Variants in HSPG2 observed in about 807,000 individuals in gnomAD.
HSPG2 encodes basement membrane-specific heparan sulfate proteoglycan core protein.
Under a neutral mutation model 526.6 loss-of-function variants are expected in HSPG2, and 278 were observed. The ratio of observed to expected loss-of-function variants is 0.53; its 90% confidence interval spans 0.48 to 0.58. The LOEUF is 0.58. Among genes scored for constraint, HSPG2 ranks in the 20% least tolerant of loss-of-function variants. The probability of loss-of-function intolerance (pLI) is 0.00; values close to 1 mark genes in which losing one functional copy is unlikely to be tolerated. For synonymous variants in HSPG2, 2,465 were observed against 2,555.4 expected, an observed-to-expected ratio of 0.96 and a Z score of 1.07; for missense variants, 5,354 against 6,099.5, an observed-to-expected ratio of 0.88 and a Z score of 4.07.
In HSPG2 at chr1:21,884,661, G is replaced by A. The variant is rs748189703; in HGVS notation, c.1521C>T (p.Asp507=). Reference sequence around the variant, plus strand: ...CGCTGTGCTCCAGGTAGAAGTGGCCGTCAGGGCAGGGGCCTGCTGGGCGGC... The same window carrying A: ...CGCTGTGCTCCAGGTAGAAGTGGCCATCAGGGCAGGGGCCTGCTGGGCGGC... ...ELVPQRGPCP[D]GHFYLEHSAA... is the part of the protein sequence containing the mutation. The change falls in exon 13 of 97, where the codon GAC becomes GAT. Residue 507 remains aspartate (D), a synonymous_variant. Transcript: ENST00000374695. 5.0e-6 allele frequency: 8 copies of A among 1,611,898 alleles called. No individual in the cohort carries two copies. The highest frequency in any genetic ancestry group is 2.2e-5 in the East Asian group (1 of 44,876).
rs1185304484 is a variant in HSPG2 at position 21,887,789 on chromosome 1, C to A, written c.704-115G>T. 1.6e-5 allele frequency: 25 copies of A among 1,559,306 alleles called. No individual in the cohort carries two copies. Among genetic ancestry groups the A allele is most frequent in the Middle Eastern group, 1.7e-4 (1 of 5,920 alleles). On this transcript the variant is annotated intron_variant, in intron 7 of 96. Transcript: ENST00000374695. The surrounding 1 kb of genome is among the most constrained non-coding windows in gnomAD (Gnocchi z 5.0). The stretch of plus-strand genomic sequence containing the variant: ...TCCCCAACACCACTCCCTGCCACCC[C>A]CTGCCTGGCTCTGTCATCACCCTTC...
chr1:21,873,156 C>A, intron 30 of HSPG2, 65 bp from the exon 31 acceptor site: 2 of 1,365,486 alleles, frequency 1.5e-6, no homozygotes, highest in Non-Finnish European at 2.1e-6. Flanking sequence ...CTTCCCTCCA[C>A]TCTGCTCACC....
At chr1:21,882,919 C>A (rs1282522539) in intron 13 of HSPG2, among the ~76,000 whole-genome samples, 3 of 152,152 alleles carry the variant, frequency 2.0e-5, no homozygotes, top group Non-Finnish European at 2.9e-5. Context: ...GCAGAATGAC[C>A]GAGCACAGCC....
At position 21,859,471 on chromosome 1, in the gene HSPG2, C is replaced by T; in HGVS notation, c.5293+95G>A. On this transcript the variant is annotated intron_variant, in intron 42 of 96. Coordinates refer to ENST00000374695, the MANE Select transcript of HSPG2 (RefSeq NM_005529.7). The surrounding 1 kb of genome is among the most constrained non-coding windows in gnomAD (Gnocchi z 5.3). ...GACCTTGTTCGGGCAACCACTGCCCCCTCCCAGCAGGTGAATGCACCATCT... is the reference window on the plus strand; with the variant it reads ...GACCTTGTTCGGGCAACCACTGCCCTCTCCCAGCAGGTGAATGCACCATCT... 2.1e-6 allele frequency: 2 copies of T among 958,792 alleles called. No individual in the cohort carries two copies. The highest frequency in any genetic ancestry group is 1.6e-5 in the African/African-American group (1 of 61,890). The allele number at this position is 958,792 out of a possible 1,614,324, so 59.4% of individuals were successfully genotyped here. A position where few individuals can be genotyped will look rare whatever the true frequency, so the allele number is the denominator to read the frequency against.
intron 33 of HSPG2, chr1:21,870,264 C>T (rs1335470800): frequency 3.0e-6 from 3 of 986,166 alleles, no homozygotes; most frequent in African/African-American, 1.7e-5. Context: ...CTGGGATCCT[C>T]CCAGCTGTCA....
rs141563188 is a variant in HSPG2, at chr1:21,846,191, C to T, written c.8381G>A (p.Arg2794Gln). 1.7e-4 allele frequency: 282 copies of T among 1,613,108 alleles called. 1 individual carries two copies. The African/African-American group carries it at 2.4e-3, about 14-fold the overall frequency. ...CAGGGGGCCAGAGCTGCCCATCACC[C>T]GGCACACGTATTCACCCGAGTCGGC... Reference protein sequence around the residue: ...SPADSGEYVCRVMGSSGPLEA... With the variant: ...SPADSGEYVCQVMGSSGPLEA... Residue 2794 changes from arginine (R) to glutamine (Q), a missense_variant, in exon 64 of 97, where the codon CGG becomes CAG. Coordinates refer to ENST00000374695, the MANE Select transcript of HSPG2 (RefSeq NM_005529.7).
intron 52 of HSPG2, among the ~76,000 whole-genome samples, chr1:21,852,450 G>C (rs1557718223): frequency 6.6e-6 from 1 of 152,264 alleles, no homozygotes; most frequent in Admixed American, 6.5e-5. Flanking sequence ...AAGTGAGAGA[G>C]ATGAGGGCAG....
intron 21 of HSPG2, 25 bp from the exon 22 acceptor site, chr1:21,876,677 A>G (rs1208211584): frequency 2.5e-6 from 4 of 1,613,970 alleles, no homozygotes; most frequent in Non-Finnish European, 2.5e-6. Flanking sequence ...TTGGAGCTGA[A>G]GGACAGCCCA....
chr1:21,864,344 C>A lies in HSPG2; in HGVS notation c.4627-131G>T. The A allele has an allele frequency of 1.3e-6, 1 of 753,170 alleles. No homozygotes were observed. Among genetic ancestry groups the A allele is most frequent in the East Asian group, 2.7e-5 (1 of 37,084 alleles). 46.7% of individuals were successfully genotyped at this position (753,170 alleles called of 1,614,324 possible). A position where few individuals can be genotyped will look rare whatever the true frequency, so the allele number is the denominator to read the frequency against. On this transcript the variant is annotated intron_variant, in intron 36 of 96. Transcript: ENST00000374695. The surrounding 1 kb of genome is among the most constrained non-coding windows in gnomAD (Gnocchi z 4.8). ...CATCACAGGCCGGCGCCCCTCCTTCCCCACTTCTGCTCAGTCTGTCCTCCC... is the reference window on the plus strand; with the variant it reads ...CATCACAGGCCGGCGCCCCTCCTTCACCACTTCTGCTCAGTCTGTCCTCCC...
rs1300358377 is a variant in HSPG2, at chr1:21,847,477, G to C, written c.8041C>G (p.Leu2681Val). 5 of 1,613,948 alleles carry C rather than the reference G, an allele frequency of 3.1e-6. No individual in the cohort carries two copies. Among genetic ancestry groups the C allele is most frequent in the Middle Eastern group, 3.3e-4 (2 of 6,062 alleles). ...GCCACAGACATTTGGTGCAACCGCA[G>C]GTGGGAGCCATGGGTCTGGACGTGC... ...PSRHQTHGSH[L>V]RLHQMSVADS... Residue 2681 changes from leucine (L) to valine (V), a missense_variant, in exon 62 of 97, where the codon CTG becomes GTG. Leu to Val is a conservative substitution (Grantham distance 32, BLOSUM62 1). Coordinates refer to ENST00000374695, the MANE Select transcript of HSPG2 (RefSeq NM_005529.7). The surrounding 1 kb of genome is among the most constrained non-coding windows in gnomAD (Gnocchi z 4.1).
chr1:21,885,130 C>T lies in HSPG2; in HGVS notation c.1238G>A (p.Arg413Gln), dbSNP rs140621959. 4,152 of 1,610,952 alleles carry T rather than the reference C, an allele frequency of 2.6e-3. 19 individuals carry two copies. Among genetic ancestry groups the T allele is most frequent in the Middle Eastern group, 0.014 (84 of 6,018 alleles). The change falls in exon 11 of 97, where the codon CGG becomes CAG. Residue 413 changes from arginine (R) to glutamine (Q), a missense_variant. Transcript: ENST00000374695. Reference sequence around the variant, plus strand: ...GCCCCGGGAAGCCTGGATGGACTCCCGGGGAGGTGTCACCACCTGGGGGGG... The same window carrying T: ...GCCCCGGGAAGCCTGGATGGACTCCTGGGGAGGTGTCACCACCTGGGGGGG... ...CMPPQVVTPP[R>Q]ESIQASRGQT...
Position 21,878,309 on chromosome 1 carries a change from G to A in HSPG2, c.2618-56C>T, listed in dbSNP as rs551761206. 453 of 1,595,772 alleles carry A rather than the reference G, an allele frequency of 2.8e-4. 1 individual carries two copies. The highest frequency in any genetic ancestry group is 3.8e-4 in the Non-Finnish European group (440 of 1,167,036). ...GGTGGGAATGGGATATACGTGGTCC[G>A]GGCAGATAGAGGAACAGTGGCTCCC... On this transcript the variant is annotated intron_variant, in intron 20 of 96. Transcript: ENST00000374695.
chr1:21,875,815 A>G, intron 24 of HSPG2, 48 bp downstream of exon 24: 1 of 1,606,066 alleles, frequency 6.2e-7, no homozygotes, highest in Non-Finnish European at 8.5e-7. Context: ...GAGAGGCAGG[A>G]GCAAGGGCCT....
chr1:21,855,909 G>C lies in HSPG2; in HGVS notation c.5579C>G (p.Ser1860Trp), dbSNP rs746744533. The change falls in exon 45 of 97, where the codon TCG (serine) becomes TGG (tryptophan). Residue 1860 changes from serine (S) to tryptophan (W), a missense_variant. Transcript: ENST00000374695. Reference sequence around the variant, plus strand: ...GACCACGGGGGCGGACAAGGTGCCCGAGGCTGACAAGGGAGGAAAAGGAAC... The same window carrying C: ...GACCACGGGGGCGGACAAGGTGCCCCAGGCTGACAAGGGAGGAAAAGGAAC... ...QGTATLHVQASGTLSAPVVSI... is the reference protein window; with the variant it reads ...QGTATLHVQAWGTLSAPVVSI... 2 of 1,609,092 alleles carry C rather than the reference G, an allele frequency of 1.2e-6. No individual in the cohort carries two copies. Among genetic ancestry groups the C allele is most frequent in the Non-Finnish European group, 1.7e-6 (2 of 1,179,952 alleles).
In HSPG2 at chr1:21,893,754, T is replaced by G; in HGVS notation, c.244+2168A>C. ...GAAGCAGAGAGAGAGGCAGAGACAT[T>G]GCAAGAGAGAGGGAGACACAAAGAG... On this transcript the variant is annotated intron_variant, in intron 3 of 96. Transcript: ENST00000374695. The surrounding 1 kb of genome is among the most constrained non-coding windows in gnomAD (Gnocchi z 4.3). 1.3e-5 allele frequency among the ~76,000 whole-genome samples: 2 copies of G among 149,060 alleles called. No homozygotes were observed. The highest frequency in any genetic ancestry group is 5.0e-5 in the African/African-American group (2 of 40,190).
Position 21,853,083 on chromosome 1 carries a change from C to A in HSPG2, c.6440-13G>T. The A allele has an allele frequency of 6.2e-7, 1 of 1,613,512 alleles. No individual in the cohort carries two copies. The highest frequency in any genetic ancestry group is 8.5e-7 in the Non-Finnish European group (1 of 1,179,890). ...GTGCTGCCGGGCACTGGACACAGAG[C>A]GGCTGCTCAGAGGCCTGAACTCTTG... On this transcript the variant is annotated splice_polypyrimidine_tract_variant and intron_variant, in intron 50 of 96. Coordinates refer to ENST00000374695, the MANE Select transcript of HSPG2 (RefSeq NM_005529.7).
At chr1:21,899,146 C>G (rs1014728089) in intron 1 of HSPG2, among the ~76,000 whole-genome samples, 8 of 152,150 alleles carry the variant, frequency 5.3e-5, no homozygotes, top group Non-Finnish European at 8.8e-5. Context: ...CAGCCCCCAC[C>G]CTAGGGTCTG....
intron 29 of HSPG2, 112 bp downstream of exon 29, chr1:21,873,813 A>T: frequency 1.1e-6 from 1 of 894,206 alleles, no homozygotes; most frequent in Non-Finnish European, 1.7e-6. Context: ...GTGCGAGGTT[A>T]AGAGCGAGAG....
chr1:21,884,475 A>T, intron 13 of HSPG2, 53 bp downstream of exon 13: 1 of 1,607,762 alleles, frequency 6.2e-7, no homozygotes, highest in African/African-American at 1.3e-5. Context: ...CCCCCTGGGT[A>T]CAGAGGTACC....
Sources: allele counts gnomAD v4.1 joint callset (sites outside exome capture counted in the v4.1 genomes callset), GRCh38; gene constraint gnomAD v4.1.1; non-coding constraint Gnocchi (gnomAD v3.1); transcripts MANE v1.5; gene names NCBI Gene and HGNC (gene_info 2026-07-23, HGNC 2026-07-21).